MAP3K5: variants seen among roughly 807,000 people sequenced by gnomAD.
The protein encoded by MAP3K5 is mitogen-activated protein kinase kinase kinase 5.
A neutral mutation model predicts 158.7 loss-of-function variants in MAP3K5; 56 were observed. The observed-to-expected ratio is 0.35, with a 90% confidence interval of 0.28 to 0.44. The LOEUF is 0.44. Ranked by LOEUF, MAP3K5 falls within the 20% of genes least tolerant of loss-of-function variation. The probability of loss-of-function intolerance (pLI) is 1.00; values close to 1 mark genes in which losing one functional copy is unlikely to be tolerated. For missense variants in MAP3K5, 1,294 were observed against 1,674.8 expected (o/e 0.77, Z 3.97); for synonymous variants, 579 against 601.7 (o/e 0.96, Z 0.55).
chr6:136,737,878 T>C (rs558249078), intron 1 of MAP3K5, among the ~76,000 whole-genome samples: 1 of 152,220 alleles, frequency 6.6e-6, no homozygotes, highest in South Asian at 2.1e-4. Flanking sequence ...ACAGGAGTAA[T>C]GGAGAAGGCC....
chr6:136,733,088 C>T (rs1782296711), intron 1 of MAP3K5, among the ~76,000 whole-genome samples: 1 of 152,196 alleles, frequency 6.6e-6, no homozygotes, highest in African/African-American at 2.4e-5. Flanking sequence ...CATCCTCGAC[C>T]TCCTGGGCTC....
At chr6:136,736,370 ACTT>A (rs1449453680) in intron 1 of MAP3K5, among the ~76,000 whole-genome samples, 5 of 152,200 alleles carry the variant, frequency 3.3e-5, no homozygotes, top group Non-Finnish European at 5.9e-5. Context: ...GTTCAAATTT[ACTT>A]CTTCTAATAG....
intron 14 of MAP3K5, among the ~76,000 whole-genome samples, chr6:136,633,881 C>A (rs1244755317): frequency 6.6e-6 from 1 of 152,168 alleles, no homozygotes. Flanking sequence ...GCCAAGGTAG[C>A]CAAAGGCTTC....
chr6:136,730,004 A>G (rs1271286247), intron 1 of MAP3K5, among the ~76,000 whole-genome samples: 1 of 152,160 alleles, frequency 6.6e-6, no homozygotes, highest in Non-Finnish European at 1.5e-5. Context: ...ACAGGGTCTC[A>G]CTCTGTCTTC....
At chr6:136,614,135 T>C in intron 16 of MAP3K5, 24 bp downstream of exon 16, 1 of 1,607,850 alleles carries the variant, frequency 6.2e-7, no homozygotes, top group Non-Finnish European at 8.5e-7. Flanking sequence ...ATTCACACTT[T>C]TTAAAGAAAG....
intron 26 of MAP3K5, among the ~76,000 whole-genome samples, chr6:136,563,957 G>C (rs1472585740): frequency 6.6e-6 from 1 of 152,148 alleles, no homozygotes; most frequent in Non-Finnish European, 1.5e-5. Context: ...TCGTGCAACT[G>C]ACAGATCTGG....
intron 29 of MAP3K5, 121 bp downstream of exon 29, chr6:136,558,679 A>G (rs1830364114): frequency 3.1e-6 from 2 of 639,672 alleles, no homozygotes; most frequent in Non-Finnish European, 2.8e-6. Flanking sequence ...AGCAGCTAAG[A>G]GCTAGAGAGC....
In MAP3K5 at chr6:136,761,926, T is replaced by C. The variant is rs111855524; in HGVS notation, c.448+29784A>G. Among the ~76,000 whole-genome samples, 19 of 152,258 alleles carry C rather than the reference T, an allele frequency of 1.2e-4. 1 individual carries two copies. The highest frequency in any genetic ancestry group is 4.6e-4 in the African/African-American group (19 of 41,558). ...GAAAAGGTCAAAAGTTTGAGGCAGA[T>C]ATAACGCATTTGGGGAGGACTGGGC... On this transcript the variant is annotated intron_variant, in intron 1 of 29. Coordinates refer to ENST00000359015, the MANE Select transcript of MAP3K5 (RefSeq NM_005923.4).
chr6:136,652,132 T>G (rs1356323982), intron 10 of MAP3K5, among the ~76,000 whole-genome samples: 1 of 152,114 alleles, frequency 6.6e-6, no homozygotes, highest in Non-Finnish European at 1.5e-5. Flanking sequence ...CCATAAGGAA[T>G]TACAGATTCA....
At chr6:136,705,075 T>G (rs753126095) in intron 3 of MAP3K5, 35 bp downstream of exon 3, 1 of 1,046,632 alleles carries the variant, frequency 9.6e-7, no homozygotes, top group East Asian at 2.7e-5. Context: ...AAGAAAATAT[T>G]TTTAAAACTC....
chr6:136,579,407 T>C (rs886277157), intron 25 of MAP3K5, among the ~76,000 whole-genome samples: 2 of 152,252 alleles, frequency 1.3e-5, no homozygotes, highest in Non-Finnish European at 2.9e-5. Flanking sequence ...ACTGCCAACA[T>C]AGCTGGGGCT....
At chr6:136,642,420 A>T (rs1221192898) in intron 12 of MAP3K5, 100 bp downstream of exon 12, 1 of 854,976 alleles carries the variant, frequency 1.2e-6, no homozygotes, top group East Asian at 2.4e-5. Context: ...GATTCTTGAC[A>T]TTCCTTGTAT....
chr6:136,763,793 CTGGGTCATGA>C (rs1167797995), intron 1 of MAP3K5, among the ~76,000 whole-genome samples: 1 of 152,054 alleles, frequency 6.6e-6, no homozygotes, highest in Non-Finnish European at 1.5e-5. Context: ...TAGGAGGTGA[CTGGGTCATGA>C]TGGCTCTGCT....
At position 136,567,790 on chromosome 6, in the gene MAP3K5, T is replaced by A. The variant is rs1309111823; in HGVS notation, c.3602A>T (p.Gln1201Leu). 6.2e-7 allele frequency: 1 copy of A among 1,614,174 alleles called. No individual in the cohort carries two copies. The change falls in exon 26 of 30, where the codon CAG becomes CTG. Residue 1201 changes from glutamine to leucine, a missense_variant. Gln to Leu is a moderately radical substitution (Grantham distance 113). Coordinates refer to ENST00000359015, the MANE Select transcript of MAP3K5 (RefSeq NM_005923.4). ...TCTTCGGACAGTTTGATTTGAAGGCTGTTCCTCATGGTCATCTTCTACATC... is the reference window on the plus strand; with the variant it reads ...TCTTCGGACAGTTTGATTTGAAGGCAGTTCCTCATGGTCATCTTCTACATC... Reference protein sequence around the residue: ...DLDVEDDHEEQPSNQTVRRPQ... With the variant: ...DLDVEDDHEELPSNQTVRRPQ...
At chr6:136,788,585 C>T (rs571911392) in intron 1 of MAP3K5, among the ~76,000 whole-genome samples, 33 of 152,098 alleles carry the variant, frequency 2.2e-4, no homozygotes, top group African/African-American at 7.2e-4. Context: ...AAAAAGTAGG[C>T]GAAAGATATG....
intron 14 of MAP3K5, among the ~76,000 whole-genome samples, chr6:136,626,040 A>G (rs1046511603): frequency 2.6e-5 from 4 of 152,194 alleles, no homozygotes; most frequent in African/African-American, 9.7e-5. Context: ...CAAAATACGA[A>G]AGACAAAAAG....
At chr6:136,786,322 T>G (rs2115059265) in intron 1 of MAP3K5, among the ~76,000 whole-genome samples, 1 of 141,012 alleles carries the variant, frequency 7.1e-6, no homozygotes, top group South Asian at 2.2e-4. Flanking sequence ...GAGGTTGCAG[T>G]GAGCCGAGAT....
At chr6:136,734,923 T>C (rs1315955321) in intron 1 of MAP3K5, among the ~76,000 whole-genome samples, 3 of 152,204 alleles carry the variant, frequency 2.0e-5, no homozygotes, top group African/African-American at 4.8e-5. Flanking sequence ...TAGGAGTTGA[T>C]TTGTGATAAT....
intron 1 of MAP3K5, 143 bp downstream of exon 1, chr6:136,791,567 A>T: frequency 1.2e-6 from 1 of 834,754 alleles, no homozygotes; most frequent in Non-Finnish European, 2.0e-6. Flanking sequence ...GAGCGACAGG[A>T]GCAGTCACGC....
Sources: allele counts gnomAD v4.1 joint callset (sites outside exome capture counted in the v4.1 genomes callset), GRCh38; gene constraint gnomAD v4.1.1; transcripts MANE v1.5; gene names NCBI Gene and HGNC (gene_info 2026-07-23, HGNC 2026-07-21).